LAMC2: variants seen among roughly 807,000 people sequenced by gnomAD.
LAMC2 encodes laminin subunit gamma-2.
A neutral mutation model predicts 140.2 loss-of-function variants in LAMC2; 97 were observed. That is an observed-to-expected ratio of 0.69 (90% confidence interval 0.59 to 0.82). The LOEUF (loss-of-function observed/expected upper bound fraction) is 0.82. Ranked by LOEUF, LAMC2 falls within the 40% of genes least tolerant of loss-of-function variation. LAMC2 has a pLI of 0.00. For synonymous variants in LAMC2, 513 were observed against 540.2 expected, an observed-to-expected ratio of 0.95 and a Z score of 0.70; for missense variants, 1,402 against 1,476.1, an observed-to-expected ratio of 0.95 and a Z score of 0.82.
At chr1:183,201,361 G>A (rs1658701063) in intron 1 of LAMC2, among the ~76,000 whole-genome samples, 1 of 151,972 alleles carries the variant, frequency 6.6e-6, no homozygotes, top group Admixed American at 6.5e-5. Context: ...CCATACCTGG[G>A]TTCCAACACA....
At chr1:183,216,628 C>T (rs12408555) in intron 3 of LAMC2, among the ~76,000 whole-genome samples, 1 of 152,204 alleles carries the variant, frequency 6.6e-6, no homozygotes, top group Non-Finnish European at 1.5e-5. Context: ...GCAGCGCCTC[C>T]TGCTCCATCC....
intron 16 of LAMC2, among the ~76,000 whole-genome samples, chr1:183,236,122 A>G (rs1012956269): frequency 6.6e-5 from 10 of 152,152 alleles, no homozygotes; most frequent in African/African-American, 2.4e-4. Context: ...TAAAAGGCTT[A>G]TGTTTAGTGG....
chr1:183,239,897 C>T, intron 20 of LAMC2, 143 bp from the exon 21 acceptor site: 1 of 961,928 alleles, frequency 1.0e-6, no homozygotes, highest in Non-Finnish European at 1.6e-6. Context: ...ACCCCTGTCC[C>T]TAAGTCTGAT....
Position 183,226,903 on chromosome 1 carries a change from T to C in LAMC2, c.1272T>C (p.Cys424=). The change falls in exon 9 of 23, where the codon TGT becomes TGC. Residue 424 remains cysteine (C), a synonymous_variant. Coordinates refer to ENST00000264144, the MANE Select transcript of LAMC2 (RefSeq NM_005562.3). ...GTAACTGTCAAGGGGGAGGGGCCTG[T>C]GATCCAGACACAGGTGAGTGAAATG... is the stretch of plus-strand genomic sequence containing the variant. The part of the protein sequence containing the change: ...IPCNCQGGGA[C]DPDTGDCYSG... 1.2e-6 allele frequency: 2 copies of C among 1,613,818 alleles called. No homozygotes were observed. The highest frequency in any genetic ancestry group is 1.7e-6 in the Non-Finnish European group (2 of 1,179,872).
chr1:183,235,498 GC>G, intron 15 of LAMC2, 76 bp from the exon 16 acceptor site: 2 of 1,520,910 alleles, frequency 1.3e-6, no homozygotes, highest in Non-Finnish European at 1.8e-6. Flanking sequence ...CGTACTCTTT[GC>G]CCTTCGTGTA....
At chr1:183,213,690 C>T (rs1174656850) in intron 2 of LAMC2, among the ~76,000 whole-genome samples, 1 of 142,722 alleles carries the variant, frequency 7.0e-6, no homozygotes, top group African/African-American at 2.7e-5. Context: ...GTCCCAGCTA[C>T]TCAGGAGACT....
At chr1:183,202,255 C>A (rs1213818394) in intron 1 of LAMC2, among the ~76,000 whole-genome samples, 7 of 150,860 alleles carry the variant, frequency 4.6e-5, no homozygotes, top group African/African-American at 9.7e-5. Flanking sequence ...ACCACACACA[C>A]AAAAAAATTA....
intron 2 of LAMC2, among the ~76,000 whole-genome samples, chr1:183,214,993 T>C (rs1325471687): frequency 6.6e-6 from 1 of 152,172 alleles, no homozygotes; most frequent in East Asian, 1.9e-4. Flanking sequence ...TTTTGGTTAA[T>C]AGCCCTTTTT....
chr1:183,190,759 C>A (rs1658306486), intron 1 of LAMC2, among the ~76,000 whole-genome samples: 1 of 152,042 alleles, frequency 6.6e-6, no homozygotes, highest in African/African-American at 2.4e-5. Flanking sequence ...AAATATTATA[C>A]TTAGAAGTGT....
In LAMC2 at chr1:183,239,504, G is replaced by A. The variant is rs1367878584; in HGVS notation, c.3010G>A (p.Ala1004Thr). The change falls in exon 20 of 23, where the codon GCA becomes ACA. Residue 1004 changes from alanine to threonine, a missense_variant. Physicochemically the swap from Ala to Thr is moderately conservative, Grantham distance 58. Transcript: ENST00000264144. ...ERALGSAAADAQRAKNGAGEA... is the reference protein window; with the variant it reads ...ERALGSAAADTQRAKNGAGEA... The stretch of plus-strand genomic sequence containing the variant: ...AGCCCTGGGGAGCGCTGCTGCTGAT[G>A]CACAGAGGGCAAAGAATGGGGCCGG... 1 of 1,613,500 alleles carries A rather than the reference G, an allele frequency of 6.2e-7. No individual in the cohort carries two copies. Among genetic ancestry groups the A allele is most frequent in the African/African-American group, 1.3e-5 (1 of 74,890 alleles).
At chr1:183,232,150 C>G (rs1393954840) in intron 12 of LAMC2, 37 bp from the exon 13 acceptor site, 13 of 1,612,056 alleles carry the variant, frequency 8.1e-6, no homozygotes, top group Non-Finnish European at 1.1e-5. Context: ...GGTACATGGT[C>G]TCCACCCTCG....
intron 22 of LAMC2, chr1:183,241,382 G>A: frequency 1.1e-6 from 1 of 905,454 alleles, no homozygotes; most frequent in Non-Finnish European, 1.3e-6. Flanking sequence ...CAGAAGAAAT[G>A]TGATGAGAGT....
Position 183,223,121 on chromosome 1 carries a change from ACT to A in LAMC2, c.764-11_764-10del, listed in dbSNP as rs1447058896. On this transcript the variant is annotated splice_polypyrimidine_tract_variant and intron_variant, in intron 6 of 22. Coordinates refer to ENST00000264144, the MANE Select transcript of LAMC2 (RefSeq NM_005562.3). The stretch of plus-strand genomic sequence containing the variant: ...TCACAACTGATCTCAATCTTTTAAA[ACT>A]CTGTTTCACAGCCAAATTTCTTGGG... 4.3e-6 allele frequency: 7 copies of A among 1,613,174 alleles called. No individual in the cohort carries two copies. Among genetic ancestry groups the A allele is most frequent in the Non-Finnish European group, 5.9e-6 (7 of 1,179,506 alleles).
In LAMC2 at chr1:183,222,169, A is replaced by G. The variant is rs1659493827; in HGVS notation, c.721A>G (p.Ser241Gly). 1.2e-6 allele frequency: 2 copies of G among 1,614,044 alleles called. No individual in the cohort carries two copies. Among genetic ancestry groups the G allele is most frequent in the African/African-American group, 1.3e-5 (1 of 74,928 alleles). Reference protein sequence around the residue: ...QWSQRHQDVFSSAQRLDPVYF... With the variant: ...QWSQRHQDVFGSAQRLDPVYF... ...GTCACAGCGCCATCAAGATGTGTTT[A>G]GCTCAGCCCAACGACTAGACCCTGT... The change falls in exon 6 of 23, where the codon AGC becomes GGC. Residue 241 changes from serine to glycine, a missense_variant. Transcript: ENST00000264144.
At position 183,228,419 on chromosome 1, in the gene LAMC2, T is replaced by C. The variant is rs374225576; in HGVS notation, c.1514T>C (p.Phe505Ser). Reference sequence around the variant, plus strand: ...GCTGATGGCTACTTTGGGGACCCCTTTGGTGAACATGGCCCAGTGAGGCCT... The same window carrying C: ...GCTGATGGCTACTTTGGGGACCCCTCTGGTGAACATGGCCCAGTGAGGCCT... ...LCADGYFGDP[F>S]GEHGPVRPCQ... is the part of the protein sequence containing the mutation. Residue 505 changes from phenylalanine to serine, a missense_variant, in exon 11 of 23, where the codon TTT becomes TCT. Around this residue, in one of 3 missense-constraint regions of LAMC2, gnomAD observed 723 missense variants for 783.3 expected, o/e 0.92. Coordinates refer to ENST00000264144, the MANE Select transcript of LAMC2 (RefSeq NM_005562.3). This position sits in a 1 kb window ranked among gnomAD's most constrained non-coding sequence, Gnocchi z 4.3. 3.1e-5 allele frequency: 50 copies of C among 1,613,948 alleles called. No individual in the cohort carries two copies. The highest frequency in any genetic ancestry group is 3.7e-5 in the Non-Finnish European group (44 of 1,180,014).
At position 183,207,983 on chromosome 1, in the gene LAMC2, AT is replaced by A. The variant is rs1322432626; in HGVS notation, c.183del (p.Asp61GlufsTer48). The A allele has an allele frequency of 6.2e-7, 1 of 1,613,916 alleles. No homozygotes were observed. The highest frequency in any genetic ancestry group is 8.5e-7 in the Non-Finnish European group (1 of 1,179,920). On this transcript the variant is annotated frameshift_variant, in exon 2 of 23. Transcript: ENST00000264144. LOFTEE classifies it high-confidence loss of function. ...FRCLNCNDNTDGIHCEKCKNG... is the reference protein window; with the variant it reads ...FRCLNCNDNTXGIHCEKCKNG... ...TGCCTCAACTGCAATGACAACACTG[AT>A]GGCATTCACTGCGAGAAGTGCAAGA...
chr1:183,211,420 G>A (rs1054321919), intron 2 of LAMC2, among the ~76,000 whole-genome samples: 4 of 152,142 alleles, frequency 2.6e-5, no homozygotes, highest in African/African-American at 9.7e-5. Context: ...TTTAAAACAT[G>A]TTTTTAAATG....
intron 1 of LAMC2, among the ~76,000 whole-genome samples, chr1:183,187,662 T>C (rs1658197157): frequency 6.6e-6 from 1 of 152,252 alleles, no homozygotes. Context: ...AAAATGGTCA[T>C]GAAGGGTATG....
chr1:183,232,325 G>A lies in LAMC2; in HGVS notation c.1996G>A (p.Asp666Asn). Residue 666 changes from aspartate to asparagine, a missense_variant, in exon 13 of 23, where the codon GAT becomes AAT. Asp to Asn is a conservative substitution (Grantham distance 23, BLOSUM62 1). Coordinates refer to ENST00000264144, the MANE Select transcript of LAMC2 (RefSeq NM_005562.3). ...GCAGGCCCTTCAGGACATTCTGAGAGATGCCCAGATTTCAGAAGGTGATGA... is the reference window on the plus strand; with the variant it reads ...GCAGGCCCTTCAGGACATTCTGAGAAATGCCCAGATTTCAGAAGGTGATGA... Reference protein sequence around the residue: ...AEQALQDILRDAQISEGASRS... With the variant: ...AEQALQDILRNAQISEGASRS... 2 of 1,614,072 alleles carry A rather than the reference G, an allele frequency of 1.2e-6. No homozygotes were observed. The highest frequency in any genetic ancestry group is 1.7e-6 in the Non-Finnish European group (2 of 1,180,030).
Sources: gnomAD v4.1 joint callset for allele counts (sites outside exome capture counted in the v4.1 genomes callset) on GRCh38, gnomAD v4.1.1 for gene constraint, gnomAD v4.1.1 regional missense constraint, Gnocchi (gnomAD v3.1) non-coding constraint, MANE v1.5 for transcripts, NCBI Gene and HGNC (gene_info 2026-07-23, HGNC 2026-07-21) for gene names.